MRPS7: variants seen among roughly 807,000 people sequenced by gnomAD.
MRPS7 encodes mitochondrial ribosomal protein S7.
A neutral mutation model predicts 26.2 loss-of-function variants in MRPS7; 13 were observed. That is an observed-to-expected ratio of 0.50 (90% CI 0.32 to 0.79). The LOEUF is 0.79. Ranked by LOEUF, MRPS7 falls within the 30% of genes least tolerant of loss-of-function variation. The pLI, the probability that MRPS7 is intolerant of heterozygous loss-of-function variation, is 0.03. For synonymous variants in MRPS7, 129 were observed against 113.3 expected (o/e 1.14, Z -0.88); for missense variants, 318 against 312.2 (o/e 1.02, Z -0.14).
intron 4 of MRPS7, chr17:75,263,890 A>AAAC (rs1050377535): frequency 6.4e-6 from 1 of 155,328 alleles, no homozygotes; most frequent in African/African-American, 2.4e-5. Flanking sequence ...CAGAAAAAAA[A>AAAC]AAAAAAAAAA....
At chr17:75,265,292 C>A (rs2077466644) in intron 4 of MRPS7, among the ~76,000 whole-genome samples, 1 of 152,150 alleles carries the variant, frequency 6.6e-6, no homozygotes, top group South Asian at 2.1e-4. Flanking sequence ...CCTGCCTCAG[C>A]CTCCCAAAGT....
intron 3 of MRPS7, 32 bp from the exon 4 acceptor site, chr17:75,263,308 G>A: frequency 6.2e-7 from 1 of 1,612,946 alleles, no homozygotes; most frequent in Non-Finnish European, 8.5e-7. Flanking sequence ...TAGGGAGCCT[G>A]GGGCAGCCTC....
intron 4 of MRPS7, among the ~76,000 whole-genome samples, chr17:75,265,464 A>G (rs968170053): frequency 6.6e-6 from 1 of 152,128 alleles, no homozygotes; most frequent in Non-Finnish European, 1.5e-5. Context: ...TGTGAACCAC[A>G]GTGCCGGGAG....
intron 4 of MRPS7, chr17:75,263,735 G>T: frequency 7.3e-6 from 4 of 548,990 alleles, no homozygotes; most frequent in Non-Finnish European, 1.3e-5. Flanking sequence ...AAAAAAATTA[G>T]CCAGGTGTGG....
rs2077480189 is a variant in MRPS7, at chr17:75,266,216, T to C, written c.*293T>C. ...AGGTTGGGGCGGACCTTTGGATATA[T>C]AAAGGAAGCAGTTTTAGTATCAGAA... is the stretch of plus-strand genomic sequence containing the variant. On this transcript the variant is annotated 3_prime_UTR_variant, in exon 5 of 5. Coordinates refer to ENST00000245539, the MANE Select transcript of MRPS7 (RefSeq NM_015971.4). The C allele has an allele frequency of 1.5e-5, 7 of 456,116 alleles. No individual in the cohort carries two copies. Among genetic ancestry groups the C allele is most frequent in the South Asian group, 1.2e-4 (5 of 40,484 alleles). 28.3% of individuals were successfully genotyped at this position (456,116 alleles called of 1,614,324 possible).
Position 75,266,117 on chromosome 17 carries a change from A to G in MRPS7, c.*194A>G. ...GCTGGAACTTGCTCTCTCTGCCCCT[A>G]TTTCCTTGTAAAGAGGGAGCACATT... is the stretch of plus-strand genomic sequence containing the variant. On this transcript the variant is annotated 3_prime_UTR_variant, in exon 5 of 5. Coordinates refer to ENST00000245539, the MANE Select transcript of MRPS7 (RefSeq NM_015971.4). 4 of 601,168 alleles carry G rather than the reference A, an allele frequency of 6.7e-6. No individual in the cohort carries two copies. Among genetic ancestry groups the G allele is most frequent in the South Asian group, 4.1e-5 (2 of 49,246 alleles). The allele number at this position is 601,168 out of a possible 1,614,324, so 37.2% of individuals were successfully genotyped here.
At position 75,266,199 on chromosome 17, in the gene MRPS7, G is replaced by A. The variant is rs2077479810; in HGVS notation, c.*276G>A. 1.3e-5 allele frequency: 7 copies of A among 520,134 alleles called. No individual in the cohort carries two copies. The highest frequency in any genetic ancestry group is 1.3e-4 in the South Asian group (6 of 46,290). The allele number at this position is 520,134 out of a possible 1,614,324, so 32.2% of individuals were successfully genotyped here. A position where few individuals can be genotyped will look rare whatever the true frequency, so the allele number is the denominator to read the frequency against. On this transcript the variant is annotated 3_prime_UTR_variant, in exon 5 of 5. Transcript: ENST00000245539. ...CTGTTTTCTCTTCCCTTAGGTTGGGGCGGACCTTTGGATATATAAAGGAAG... is the reference window on the plus strand; with the variant it reads ...CTGTTTTCTCTTCCCTTAGGTTGGGACGGACCTTTGGATATATAAAGGAAG...
intron 4 of MRPS7, 147 bp downstream of exon 4, chr17:75,263,654 A>C (rs1555595451): frequency 9.6e-7 from 1 of 1,039,380 alleles, no homozygotes; most frequent in Non-Finnish European, 1.4e-6. Context: ...AGCCTAATGC[A>C]GGATAGCTTG....
chr17:75,263,586 G>A lies in MRPS7; in HGVS notation c.507+79G>A, dbSNP rs577895655. ...AGGTGGTGCTTGGGAGTTGGGTCAA[G>A]ATTGATAGCTTTCTAGCTGGTGCAG... On this transcript the variant is annotated intron_variant, in intron 4 of 4. Coordinates refer to ENST00000245539, the MANE Select transcript of MRPS7 (RefSeq NM_015971.4). The A allele has an allele frequency of 3.8e-6, 6 of 1,560,306 alleles. No homozygotes were observed. The South Asian group carries it at 5.7e-5, about 15-fold the overall frequency.
chr17:75,262,816 C>CACG lies in MRPS7; in HGVS notation c.289_290insCGA (p.Asn96_Met97insThr). 2 of 1,614,184 alleles carry CACG rather than the reference C, an allele frequency of 1.2e-6. No individual in the cohort carries two copies. The highest frequency in any genetic ancestry group is 4.5e-5 in the East Asian group (2 of 44,884). ...TTTCTCTTTGAAGTAAATTCACCAA[C>CACG]ATGATGATGATAGGAGGAAACAAAG... On this transcript the variant is annotated inframe_insertion, in exon 3 of 5. Transcript: ENST00000245539.
chr17:75,262,889 A>T lies in MRPS7; in HGVS notation c.339+22A>T, dbSNP rs2077430322. ...TCAGGTAAACAGCACTTCCCTCCTCAGTCATCTTTCTTGCCCCCCTACCCC... is the reference window on the plus strand; with the variant it reads ...TCAGGTAAACAGCACTTCCCTCCTCTGTCATCTTTCTTGCCCCCCTACCCC... On this transcript the variant is annotated intron_variant, in intron 3 of 4. Coordinates refer to ENST00000245539, the MANE Select transcript of MRPS7 (RefSeq NM_015971.4). The T allele has an allele frequency of 4.3e-6, 7 of 1,612,312 alleles. No individual in the cohort carries two copies. In the East Asian group the frequency reaches 1.1e-4, roughly 26 times the overall value.
chr17:75,266,245 A>T lies in MRPS7; in HGVS notation c.*322A>T, dbSNP rs551432840. 7.9e-5 allele frequency: 32 copies of T among 404,430 alleles called. No individual in the cohort carries two copies. Among genetic ancestry groups the T allele is most frequent in the Non-Finnish European group, 1.5e-4 (32 of 220,074 alleles). The allele number at this position is 404,430 out of a possible 1,614,324, so 25.1% of individuals were successfully genotyped here. ...GGAAGCAGTTTTAGTATCAGAAAAG[A>T]TTTATTAGAAAATTCTCACGCTGAA... On this transcript the variant is annotated 3_prime_UTR_variant, in exon 5 of 5. Transcript: ENST00000245539.
At position 75,265,682 on chromosome 17, in the gene MRPS7, C is replaced by G; in HGVS notation, c.508-20C>G. On this transcript the variant is annotated intron_variant, in intron 4 of 4. Coordinates refer to ENST00000245539, the MANE Select transcript of MRPS7 (RefSeq NM_015971.4). ...CTGGCAGACTCTTGGACCAACTTGC[C>G]TATGTCCTGTCTCACCCAGGTCCCT... The G allele has an allele frequency of 6.2e-7, 1 of 1,608,920 alleles. No homozygotes were observed. Among genetic ancestry groups the G allele is most frequent in the Non-Finnish European group, 8.5e-7 (1 of 1,175,944 alleles).
intron 1 of MRPS7, 66 bp from the exon 2 acceptor site, chr17:75,262,428 ATTG>A (rs947558790): frequency 2.0e-6 from 3 of 1,532,724 alleles, no homozygotes; most frequent in East Asian, 2.3e-5. Flanking sequence ...AGTCATGCCT[ATTG>A]TTAAGTCAAA....
rs61745718 is a variant in MRPS7 at position 75,265,839 on chromosome 17, C to T, written c.645C>T (p.Asn215=). Residue 215 remains asparagine (N), a synonymous_variant, in exon 5 of 5, where the codon AAC becomes AAT. Coordinates refer to ENST00000245539, the MANE Select transcript of MRPS7 (RefSeq NM_015971.4). ...ACAAGCTGCTGGAGGCTTTCCATAA[C>T]CAGGGCCCCGTGATCAAGAGGAAGC... ...LSHKLLEAFH[N]QGPVIKRKHD... is the part of the protein sequence containing the mutation. The T allele has an allele frequency of 7.1e-4, 1,144 of 1,614,166 alleles. 6 individuals carry two copies. The African/African-American group carries it at 0.014, about 19-fold the overall frequency.
In MRPS7 at chr17:75,265,770, G is replaced by C. The variant is rs112961013; in HGVS notation, c.576G>C (p.Arg192=). The part of the protein sequence containing the change: ...LAMKWMITEC[R]DKKHQRTLMP... ...TGAAGTGGATGATCACTGAGTGCCG[G>C]GATAAAAAGCACCAGCGGACACTGA... The change falls in exon 5 of 5, where the codon CGG becomes CGC. Residue 192 remains arginine (R), a synonymous_variant. Transcript: ENST00000245539. 1 of 1,614,160 alleles carries C rather than the reference G, an allele frequency of 6.2e-7. No individual in the cohort carries two copies. Among genetic ancestry groups the C allele is most frequent in the Non-Finnish European group, 8.5e-7 (1 of 1,180,042 alleles).
At chr17:75,265,412 C>A (rs2077468514) in intron 4 of MRPS7, among the ~76,000 whole-genome samples, 1 of 151,242 alleles carries the variant, frequency 6.6e-6, no homozygotes, top group Non-Finnish European at 1.5e-5. Flanking sequence ...TGGGCTCAAG[C>A]GATCCTCCTG....
Position 75,265,807 on chromosome 17 carries a change from C to T in MRPS7, c.613C>T (p.Leu205=). Residue 205 remains leucine (L), a synonymous_variant, in exon 5 of 5, where the codon CTG becomes TTG. Coordinates refer to ENST00000245539, the MANE Select transcript of MRPS7 (RefSeq NM_015971.4). ...CCAGCGGACACTGATGCCGGAGAAG[C>T]TGTCACACAAGCTGCTGGAGGCTTT... is the stretch of plus-strand genomic sequence containing the variant. ...KHQRTLMPEK[L]SHKLLEAFHN... 6.2e-7 allele frequency: 1 copy of T among 1,614,196 alleles called. No individual in the cohort carries two copies. Among genetic ancestry groups the T allele is most frequent in the Non-Finnish European group, 8.5e-7 (1 of 1,180,046 alleles).
At position 75,262,822 on chromosome 17, in the gene MRPS7, G is replaced by T; in HGVS notation, c.294G>T (p.Met98Ile). The T allele has an allele frequency of 6.2e-7, 1 of 1,614,150 alleles. No individual in the cohort carries two copies. The highest frequency in any genetic ancestry group is 8.5e-7 in the Non-Finnish European group (1 of 1,180,022). ...DPVISKFTNM[M>I]MIGGNKVLAR... ...TTTGAAGTAAATTCACCAACATGAT[G>T]ATGATAGGAGGAAACAAAGTACTGG... Residue 98 changes from methionine (M) to isoleucine (I), a missense_variant, in exon 3 of 5, where the codon ATG becomes ATT. By Grantham distance (10) the Met-to-Ile change is conservative. Coordinates refer to ENST00000245539, the MANE Select transcript of MRPS7 (RefSeq NM_015971.4).
Sources: gnomAD v4.1 joint callset for allele counts (sites outside exome capture counted in the v4.1 genomes callset) on GRCh38, gnomAD v4.1.1 for gene constraint, MANE v1.5 for transcripts, NCBI Gene and HGNC (gene_info 2026-07-23, HGNC 2026-07-21) for gene names.